Variants in DOCK2 observed in about 807,000 individuals in gnomAD.
The protein encoded by DOCK2 is dedicator of cytokinesis protein 2.
In DOCK2, 87 loss-of-function variants were observed where a neutral mutation model predicts 248.9. The observed-to-expected ratio is 0.35, with a 90% CI of 0.29 to 0.42. The LOEUF (loss-of-function observed/expected upper bound fraction) is 0.42. Ranked by LOEUF, DOCK2 falls within the 10% of genes least tolerant of loss-of-function variation. The probability of loss-of-function intolerance (pLI) is 1.00; values close to 1 mark genes in which losing one functional copy is unlikely to be tolerated. For synonymous variants in DOCK2, 805 were observed against 821.6 expected (o/e 0.98, Z 0.35); for missense variants, 1,747 against 2,300.2 (o/e 0.76, Z 4.92).
chr5:169,742,756 A>G (rs545043777), intron 22 of DOCK2, among the ~76,000 whole-genome samples: 64 of 152,288 alleles, frequency 4.2e-4, no homozygotes, highest in African/African-American at 1.5e-3. Context: ...TACACAACAT[A>G]TGGGGCTCCA....
chr5:169,995,681 G>C (rs1483856511), intron 29 of DOCK2, among the ~76,000 whole-genome samples: 4 of 152,292 alleles, frequency 2.6e-5, no homozygotes, highest in African/African-American at 9.6e-5. Context: ...CATGTAGGGA[G>C]ACCCTTGAAA....
chr5:169,860,775 G>C (rs1342524747), intron 27 of DOCK2, among the ~76,000 whole-genome samples: 2 of 152,172 alleles, frequency 1.3e-5, no homozygotes, highest in African/African-American at 2.4e-5. Flanking sequence ...AAATGGGCTT[G>C]GTGTGAATGT....
intron 46 of DOCK2, among the ~76,000 whole-genome samples, chr5:170,071,763 T>C (rs1757689181): frequency 6.6e-6 from 1 of 152,204 alleles, no homozygotes. Flanking sequence ...AATCATTTCC[T>C]TGCTTTAAAA....
chr5:169,750,183 T>C (rs763723061), intron 23 of DOCK2, among the ~76,000 whole-genome samples: 1 of 152,156 alleles, frequency 6.6e-6, no homozygotes, highest in Admixed American at 6.5e-5. Flanking sequence ...GAGAGAAGAA[T>C]GGAAGAGGGA....
chr5:170,022,782 G>A (rs1369646143), intron 33 of DOCK2, among the ~76,000 whole-genome samples: 1 of 152,144 alleles, frequency 6.6e-6, no homozygotes, highest in Non-Finnish European at 1.5e-5. Flanking sequence ...GCCAAAGCTG[G>A]TCTCTCAGTC....
intron 2 of DOCK2, among the ~76,000 whole-genome samples, chr5:169,668,460 CT>C (rs2113273286): frequency 6.6e-6 from 1 of 152,266 alleles, no homozygotes; most frequent in East Asian, 1.9e-4. Context: ...GGTTGTATGT[CT>C]GTTGGGAACA....
chr5:169,844,241 C>T (rs1424862330), intron 27 of DOCK2, among the ~76,000 whole-genome samples: 2 of 152,214 alleles, frequency 1.3e-5, no homozygotes, highest in Non-Finnish European at 2.9e-5. Flanking sequence ...ATGAGTCCAG[C>T]TTGACCAGTA....
intron 27 of DOCK2, among the ~76,000 whole-genome samples, chr5:169,927,783 A>T (rs1775543507): frequency 6.6e-6 from 1 of 152,016 alleles, no homozygotes; most frequent in South Asian, 2.1e-4. Context: ...CGCCTGGCTA[A>T]TTTTTTGTAT....
chr5:169,721,507 T>C (rs1762203311), intron 22 of DOCK2, among the ~76,000 whole-genome samples: 1 of 152,246 alleles, frequency 6.6e-6, no homozygotes, highest in South Asian at 2.1e-4. Flanking sequence ...TGTGGGAAAC[T>C]AGAAAACAGA....
At chr5:170,034,671 C>T (rs2113837398) in intron 35 of DOCK2, 116 bp downstream of exon 35, 1 of 1,397,254 alleles carries the variant, frequency 7.2e-7, no homozygotes, top group South Asian at 1.4e-5. Flanking sequence ...CTTTGGAAAG[C>T]AGACAAATGT....
chr5:169,689,258 C>G lies in DOCK2; in HGVS notation c.768C>G (p.Asn256Lys), dbSNP rs145405039. The G allele has an allele frequency of 1.8e-5, 29 of 1,613,996 alleles. No homozygotes were observed. Among genetic ancestry groups the G allele is most frequent in the Non-Finnish European group, 2.4e-5 (28 of 1,179,988 alleles). ...DPNKQTVISENYLVRWGSRGF... is the reference protein window; with the variant it reads ...DPNKQTVISEKYLVRWGSRGF... The stretch of plus-strand genomic sequence containing the variant: ...GCCACTCTTCTTCCCACAGTGAGAA[C>G]TACCTAGTGCGATGGGGCAGCCGGG... Residue 256 changes from asparagine (N) to lysine (K), a missense_variant, in exon 9 of 52, where the codon AAC becomes AAG. By Grantham distance (94) the Asn-to-Lys change is moderately conservative (BLOSUM62 0). This residue lies in a region of DOCK2 where 375 missense variants were observed against 510.9 expected (regional missense o/e 0.73). Coordinates refer to ENST00000520908, the MANE Select transcript of DOCK2 (RefSeq NM_004946.3).
chr5:170,055,153 G>A (rs1397713855), intron 41 of DOCK2, 152 bp from the exon 42 acceptor site: 7 of 658,468 alleles, frequency 1.1e-5, no homozygotes, highest in Non-Finnish European at 1.9e-5. Flanking sequence ...CTAGTCATTA[G>A]TGCCTAGTGG....
chr5:169,999,538 A>T (rs1754761138), intron 30 of DOCK2, among the ~76,000 whole-genome samples: 1 of 152,202 alleles, frequency 6.6e-6, no homozygotes, highest in Admixed American at 6.5e-5. Flanking sequence ...CTTTCTGGTC[A>T]CCACAACATT....
chr5:169,899,955 C>G (rs1773826411), intron 27 of DOCK2, among the ~76,000 whole-genome samples: 1 of 152,238 alleles, frequency 6.6e-6, no homozygotes, highest in South Asian at 2.1e-4. Context: ...TTTCCTTCCA[C>G]TAAGATCATG....
intron 3 of DOCK2, 83 bp downstream of exon 3, chr5:169,669,411 C>T: frequency 6.8e-7 from 1 of 1,470,676 alleles, no homozygotes; most frequent in Non-Finnish European, 9.5e-7. Context: ...GTCTCTCCCA[C>T]CATTGCTCCT....
intron 30 of DOCK2, chr5:169,998,046 T>C (rs915657986): frequency 9.2e-5 from 42 of 456,166 alleles, no homozygotes; most frequent in Non-Finnish European, 1.5e-4. Flanking sequence ...TAAGTTTCTG[T>C]TCAAATACTT....
intron 27 of DOCK2, chr5:169,881,519 C>A (rs1772645850): frequency 8.8e-7 from 1 of 1,138,058 alleles, no homozygotes; most frequent in African/African-American, 1.5e-5. Context: ...CTACTTGTCC[C>A]TTAGTCCCTA....
Position 170,067,601 on chromosome 5 carries a change from A to G in DOCK2, c.4559A>G (p.Glu1520Gly). 1 of 1,614,186 alleles carries G rather than the reference A, an allele frequency of 6.2e-7. No homozygotes were observed. Among genetic ancestry groups the G allele is most frequent in the South Asian group, 1.1e-5 (1 of 91,086 alleles). ...ATGATAAACCAGTACCAGAGTGATG[A>G]GACCCTCCCCATCAACCCACTCTCC... is the stretch of plus-strand genomic sequence containing the variant. The part of the protein sequence containing the change: ...LMMINQYQSD[E>G]TLPINPLSML... Residue 1520 changes from glutamate (E) to glycine (G), a missense_variant, in exon 45 of 52, where the codon GAG (glutamate) becomes GGG (glycine). Around this residue, in one of 4 missense-constraint regions of DOCK2, gnomAD observed 513 missense variants for 586.1 expected, o/e 0.88. Transcript: ENST00000520908.
chr5:170,003,284 C>T (rs975591300), intron 30 of DOCK2, among the ~76,000 whole-genome samples: 5 of 152,174 alleles, frequency 3.3e-5, no homozygotes, highest in Admixed American at 1.3e-4. Context: ...GAATGAGGCT[C>T]AGAAAGGTCA....
Sources: gnomAD v4.1 joint callset for allele counts (sites outside exome capture counted in the v4.1 genomes callset) on GRCh38, gnomAD v4.1.1 for gene constraint, gnomAD v4.1.1 regional missense constraint, MANE v1.5 for transcripts, NCBI Gene and HGNC (gene_info 2026-07-23, HGNC 2026-07-21) for gene names.